The following PTPRD variants were observed in gnomAD, a reference collection of about 807,000 sequenced individuals.
PTPRD encodes receptor-type tyrosine-protein phosphatase delta.
In PTPRD, 34 loss-of-function variants were observed where a neutral mutation model predicts 214.5. That is an observed-to-expected ratio of 0.16 (90% CI 0.12 to 0.21). The LOEUF (loss-of-function observed/expected upper bound fraction) is 0.21. Among genes scored for constraint, PTPRD ranks in the 10% least tolerant of loss-of-function variants. PTPRD has a pLI of 1.00. For synonymous variants in PTPRD, 1,128 were observed against 845.7 expected, an observed-to-expected ratio of 1.33 and a Z score of -5.79; for missense variants, 2,545 against 2,398.7, an observed-to-expected ratio of 1.06 and a Z score of -1.27.
At chr9:9,826,778 C>G (rs573741195) in intron 5 of PTPRD, among the ~76,000 whole-genome samples, 43 of 152,146 alleles carry the variant, frequency 2.8e-4, no homozygotes, top group African/African-American at 1.0e-3. Flanking sequence ...AGCCCAAAAT[C>G]TCCTTAAGCT....
chr9:10,567,070 A>T (rs2034509998), intron 2 of PTPRD, among the ~76,000 whole-genome samples: 1 of 152,026 alleles, frequency 6.6e-6, no homozygotes, highest in Non-Finnish European at 1.5e-5. Context: ...CTTACATAGT[A>T]TGTTTGCTTT....
chr9:8,930,312 T>C (rs1476415907), intron 11 of PTPRD, among the ~76,000 whole-genome samples: 4 of 152,094 alleles, frequency 2.6e-5, no homozygotes, highest in African/African-American at 9.7e-5. Flanking sequence ...AATGGCTGCA[T>C]AGTATTCCAT....
intron 10 of PTPRD, among the ~76,000 whole-genome samples, chr9:9,159,046 G>A (rs1031741936): frequency 2.0e-5 from 3 of 152,136 alleles, no homozygotes; most frequent in Non-Finnish European, 2.9e-5. Context: ...AAGTATAGAA[G>A]GAATGTATCT....
chr9:8,767,569 C>T (rs1406431982), intron 11 of PTPRD, among the ~76,000 whole-genome samples: 2 of 152,104 alleles, frequency 1.3e-5, no homozygotes, highest in Non-Finnish European at 2.9e-5. Flanking sequence ...GAGGGTGCAC[C>T]ATACGTTGAG....
chr9:9,105,375 C>T (rs1339920224), intron 10 of PTPRD, among the ~76,000 whole-genome samples: 3 of 152,174 alleles, frequency 2.0e-5, no homozygotes, highest in African/African-American at 7.2e-5. Flanking sequence ...TCTAAGTCAA[C>T]TTTCAGAGCT....
chr9:8,860,334 C>G (rs752941551), intron 11 of PTPRD: 1 of 152,104 alleles, frequency 6.6e-6, no homozygotes, highest in Non-Finnish European at 1.5e-5. Flanking sequence ...GAAAAGGGAC[C>G]CAGAAATCAG....
chr9:8,453,090 A>G (rs1034298826), intron 33 of PTPRD, among the ~76,000 whole-genome samples: 2 of 152,212 alleles, frequency 1.3e-5, no homozygotes, highest in African/African-American at 4.8e-5. Flanking sequence ...GAGGGAGATT[A>G]GAAGAGGATG....
chr9:9,012,837 C>T (rs1288915201), intron 11 of PTPRD, among the ~76,000 whole-genome samples: 1 of 152,104 alleles, frequency 6.6e-6, no homozygotes, highest in Admixed American at 6.6e-5. Flanking sequence ...CTTCACAAAA[C>T]TCAGCAATGC....
chr9:9,524,202 G>A (rs528061796), intron 8 of PTPRD, among the ~76,000 whole-genome samples: 1 of 152,190 alleles, frequency 6.6e-6, no homozygotes, highest in Admixed American at 6.5e-5. Context: ...GGGAGCCCTT[G>A]GGTACAGCTG....
At chr9:9,931,205 A>G (rs1224125930) in intron 5 of PTPRD, among the ~76,000 whole-genome samples, 1 of 152,182 alleles carries the variant, frequency 6.6e-6, no homozygotes, top group Non-Finnish European at 1.5e-5. Context: ...AAAAGAATTA[A>G]AAATTACTGG....
At chr9:9,428,891 C>T (rs920632759) in intron 8 of PTPRD, among the ~76,000 whole-genome samples, 8 of 152,132 alleles carry the variant, frequency 5.3e-5, no homozygotes, top group African/African-American at 1.9e-4. Context: ...ATCTCTGGGA[C>T]ACATTTAAAG....
chr9:8,939,349 G>T (rs1335843857), intron 11 of PTPRD, among the ~76,000 whole-genome samples: 1 of 152,060 alleles, frequency 6.6e-6, no homozygotes, highest in Non-Finnish European at 1.5e-5. Flanking sequence ...AAGTCTTTTT[G>T]GATTGAGATG....
chr9:10,221,007 G>A (rs1594612195), intron 3 of PTPRD, among the ~76,000 whole-genome samples: 1 of 151,924 alleles, frequency 6.6e-6, no homozygotes, highest in South Asian at 2.1e-4. Flanking sequence ...GTGAACAGCA[G>A]GAAGAATCCC....
intron 2 of PTPRD, among the ~76,000 whole-genome samples, chr9:10,414,445 C>G (rs897657726): frequency 2.0e-5 from 3 of 151,930 alleles, no homozygotes; most frequent in African/African-American, 7.2e-5. Flanking sequence ...ATAATAGATG[C>G]TGGCAAGATC....
chr9:10,157,206 T>G (rs568500120), intron 3 of PTPRD, among the ~76,000 whole-genome samples: 176 of 152,238 alleles, frequency 1.2e-3, no homozygotes, highest in African/African-American at 3.7e-3. Context: ...AGACATTTTT[T>G]GGGGGTTGCT....
intron 9 of PTPRD, among the ~76,000 whole-genome samples, chr9:9,394,642 A>G (rs1359457588): frequency 6.6e-6 from 1 of 152,126 alleles, no homozygotes; most frequent in Non-Finnish European, 1.5e-5. Flanking sequence ...AATAGTCATC[A>G]CCATGTAGCT....
intron 2 of PTPRD, among the ~76,000 whole-genome samples, chr9:10,520,765 T>A (rs540530998): frequency 1.1e-4 from 17 of 152,146 alleles, no homozygotes; most frequent in African/African-American, 3.6e-4. Context: ...AGAATTATGT[T>A]AAATCTACTC....
At chr9:10,350,392 T>A (rs1487411469) in intron 2 of PTPRD, among the ~76,000 whole-genome samples, 2 of 152,146 alleles carry the variant, frequency 1.3e-5, no homozygotes, top group African/African-American at 4.8e-5. Flanking sequence ...TGATATAATA[T>A]ACTTTAGGGT....
chr9:9,684,013 C>G (rs1027537325), intron 7 of PTPRD, among the ~76,000 whole-genome samples: 7 of 151,486 alleles, frequency 4.6e-5, no homozygotes, highest in Non-Finnish European at 1.0e-4. Context: ...TCTTTGTAGC[C>G]TAAAGAGGAT....
Sources: allele counts gnomAD v4.1 joint callset (sites outside exome capture counted in the v4.1 genomes callset), GRCh38; gene constraint gnomAD v4.1.1; transcripts MANE v1.5; gene names NCBI Gene and HGNC (gene_info 2026-07-23, HGNC 2026-07-21).